The following SAMD3 variants were observed in gnomAD, a reference collection of about 807,000 sequenced individuals.
SAMD3 encodes the protein sterile alpha motif domain containing 3, also known as sterile alpha motif domain-containing protein 3.
A neutral mutation model predicts 58.5 loss-of-function variants in SAMD3; 63 were observed. The ratio of observed to expected loss-of-function variants is 1.08; its 90% CI spans 0.88 to 1.33. The LOEUF is 1.33. Among genes scored for constraint, SAMD3 ranks in the 40% most tolerant of loss-of-function variants. SAMD3 has a pLI of 0.00. For synonymous variants in SAMD3, 220 were observed against 210.3 expected (o/e 1.05, Z -0.40); for missense variants, 604 against 608.4 (o/e 0.99, Z 0.08).
chr6:130,246,451 A>C (rs1318161716), intron 2 of SAMD3, among the ~76,000 whole-genome samples: 1 of 152,170 alleles, frequency 6.6e-6, no homozygotes, highest in Non-Finnish European at 1.5e-5. Context: ...CACCCTAAAG[A>C]CCAAGAAAAA....
intron 8 of SAMD3, among the ~76,000 whole-genome samples, chr6:130,164,082 G>T (rs1472605981): frequency 1.1e-5 from 1 of 94,086 alleles, no homozygotes; most frequent in Non-Finnish European, 2.2e-5. Context: ...CATAAAGTAG[G>T]TTGAAAAAAA....
intron 2 of SAMD3, among the ~76,000 whole-genome samples, chr6:130,300,509 C>A (rs1387624413): frequency 1.3e-5 from 2 of 151,808 alleles, no homozygotes; most frequent in Non-Finnish European, 2.9e-5. Flanking sequence ...AAACCCACAG[C>A]TGACATGATA....
At chr6:130,355,390 C>A (rs1163963543) in intron 1 of SAMD3, among the ~76,000 whole-genome samples, 1 of 152,090 alleles carries the variant, frequency 6.6e-6, no homozygotes, top group South Asian at 2.1e-4. Flanking sequence ...CACCACTGCA[C>A]TCCAGCCTAG....
At chr6:130,295,826 T>C (rs1254219490) in intron 2 of SAMD3, among the ~76,000 whole-genome samples, 1 of 152,208 alleles carries the variant, frequency 6.6e-6, no homozygotes, top group African/African-American at 2.4e-5. Flanking sequence ...CTTTCTAGGC[T>C]GCTGCCACTT....
upstream of SAMD3, chr6:130,365,807 G>A (rs1778121658): frequency 1.0e-6 from 1 of 985,368 alleles, no homozygotes; most frequent in African/African-American, 1.7e-5. Context: ...CGGATCGGCC[G>A]GCCTGGGCTC....
intron 1 of SAMD3, among the ~76,000 whole-genome samples, chr6:130,314,494 CTTTAA>C (rs1776292545): frequency 2.6e-5 from 4 of 152,306 alleles, no homozygotes; most frequent in Admixed American, 2.0e-4. Context: ...TAGACTTTCT[CTTTAA>C]TTTACTCTTA....
intron 8 of SAMD3, among the ~76,000 whole-genome samples, chr6:130,175,414 T>C (rs922821257): frequency 3.2e-4 from 49 of 152,312 alleles, no homozygotes; most frequent in African/African-American, 1.1e-3. Flanking sequence ...AATGGAGTTT[T>C]GTATCCATGC....
rs549926643 is a variant in SAMD3, at chr6:130,214,446, C to G, written c.160G>C (p.Ala54Pro). Reference protein sequence around the residue: ...QQLVKKIGHQAVLMDLIKKYK... With the variant: ...QQLVKKIGHQPVLMDLIKKYK... ...TTTTTAATTAAATCCATCAGAACAG[C>G]CTGGTGCCCAATTTTCTTTACCAGT... Residue 54 changes from alanine (A) to proline (P), a missense_variant, in exon 4 of 12, where the codon GCT becomes CCT. Ala to Pro is a conservative substitution (Grantham distance 27, BLOSUM62 -1). Coordinates refer to ENST00000439090, the MANE Select transcript of SAMD3 (RefSeq NM_001017373.4). 1 of 1,613,200 alleles carries G rather than the reference C, an allele frequency of 6.2e-7. No homozygotes were observed. The highest frequency in any genetic ancestry group is 1.3e-5 in the African/African-American group (1 of 74,832).
At chr6:130,176,072 G>A (rs531739151) in intron 7 of SAMD3, 64 bp from the exon 8 acceptor site, 27 of 1,301,224 alleles carry the variant, frequency 2.1e-5, no homozygotes, top group Admixed American at 5.2e-5. Context: ...TAAACAATAC[G>A]TCTATACAAC....
intron 8 of SAMD3, chr6:130,162,003 A>T (rs1364367561): frequency 1.4e-5 from 5 of 361,214 alleles, no homozygotes; most frequent in Non-Finnish European, 2.5e-5. Context: ...GAAAGAGATC[A>T]CTTCAGGCCA....
intron 1 of SAMD3, among the ~76,000 whole-genome samples, chr6:130,325,177 AAAG>A (rs1451395656): frequency 1.3e-5 from 2 of 152,214 alleles, no homozygotes; most frequent in Non-Finnish European, 2.9e-5. Context: ...CTCCAGAGAA[AAAG>A]AACTTATATA....
chr6:130,244,633 G>A (rs1031483917), intron 2 of SAMD3, among the ~76,000 whole-genome samples: 16 of 152,022 alleles, frequency 1.1e-4, no homozygotes, highest in Non-Finnish European at 2.4e-4. Flanking sequence ...CCAGCTACTC[G>A]GGAGGCCGAG....
At chr6:130,169,478 C>A (rs960460536) in intron 8 of SAMD3, among the ~76,000 whole-genome samples, 6 of 152,158 alleles carry the variant, frequency 3.9e-5, no homozygotes, top group African/African-American at 1.4e-4. Flanking sequence ...TGTTTGCCAG[C>A]AAAAATGTTG....
chr6:130,316,721 T>C (rs1185672386), intron 1 of SAMD3, among the ~76,000 whole-genome samples: 1 of 152,192 alleles, frequency 6.6e-6, no homozygotes, highest in East Asian at 1.9e-4. Context: ...GTTGGTGGCC[T>C]TAGCATACAT....
intron 2 of SAMD3, among the ~76,000 whole-genome samples, chr6:130,242,451 G>T (rs749748661): frequency 6.6e-6 from 1 of 152,254 alleles, no homozygotes; most frequent in Non-Finnish European, 1.5e-5. Flanking sequence ...TCTAGAACTG[G>T]ACTGCAGGTA....
At chr6:130,326,739 A>T (rs2115007620) in intron 1 of SAMD3, among the ~76,000 whole-genome samples, 1 of 152,322 alleles carries the variant, frequency 6.6e-6, no homozygotes, top group Non-Finnish European at 1.5e-5. Context: ...AGCTAGGGCC[A>T]CTGAGTACAG....
intron 2 of SAMD3, among the ~76,000 whole-genome samples, chr6:130,270,740 C>A (rs895013294): frequency 6.6e-6 from 1 of 152,130 alleles, no homozygotes; most frequent in Non-Finnish European, 1.5e-5. Context: ...TCTAAAATAT[C>A]CCATTGTATG....
chr6:130,342,061 G>T (rs1385358357), intron 1 of SAMD3, among the ~76,000 whole-genome samples: 1 of 152,148 alleles, frequency 6.6e-6, no homozygotes, highest in Non-Finnish European at 1.5e-5. Context: ...TTGGTTAGTT[G>T]GGTGGTCCAC....
chr6:130,200,385 CA>C (rs397781904), intron 5 of SAMD3, among the ~76,000 whole-genome samples: 107 of 140,682 alleles, frequency 7.6e-4, no homozygotes, highest in East Asian at 1.1e-3. Context: ...ACTAAAAATA[CA>C]AAAAAAAAAA....
Sources: allele counts gnomAD v4.1 joint callset (sites outside exome capture counted in the v4.1 genomes callset), GRCh38; gene constraint gnomAD v4.1.1; transcripts MANE v1.5; gene names NCBI Gene and HGNC (gene_info 2026-07-23, HGNC 2026-07-21).